CNTNAP2: variants seen among roughly 807,000 people sequenced by gnomAD.
CNTNAP2 encodes the protein contactin associated protein 2.
In CNTNAP2, 98 loss-of-function variants were observed where a neutral mutation model predicts 155.2. The ratio of observed to expected loss-of-function variants is 0.63; its 90% CI spans 0.54 to 0.75. The LOEUF (loss-of-function observed/expected upper bound fraction) is 0.75, where lower values mean the gene tolerates loss of function less well. Ranked by LOEUF, CNTNAP2 falls within the 30% of genes least tolerant of loss-of-function variation. The probability of loss-of-function intolerance (pLI) is 0.00; values close to 1 mark genes in which losing one functional copy is unlikely to be tolerated. For missense variants in CNTNAP2, 1,727 were observed against 1,688.1 expected (o/e 1.02, Z -0.40); for synonymous variants, 651 against 631.2 (o/e 1.03, Z -0.47).
intron 13 of CNTNAP2, among the ~76,000 whole-genome samples, chr7:147,903,306 C>T (rs1268424712): frequency 6.6e-6 from 1 of 152,094 alleles, no homozygotes; most frequent in Non-Finnish European, 1.5e-5. Flanking sequence ...AGCCTTAGCC[C>T]ACTTTTTGAT....
At chr7:146,794,417 T>A (rs924314034) in intron 2 of CNTNAP2, among the ~76,000 whole-genome samples, 8 of 152,186 alleles carry the variant, frequency 5.3e-5, no homozygotes, top group Admixed American at 3.9e-4. Flanking sequence ...GAGAATGCAT[T>A]CTTTAACAAG....
chr7:147,332,181 G>A (rs1162944437), intron 9 of CNTNAP2, among the ~76,000 whole-genome samples: 4 of 152,088 alleles, frequency 2.6e-5, no homozygotes, highest in African/African-American at 7.2e-5. Context: ...CCAAGAACAC[G>A]GGAAATAATA....
chr7:148,309,700 T>G (rs966421039), intron 21 of CNTNAP2, among the ~76,000 whole-genome samples: 1 of 151,982 alleles, frequency 6.6e-6, no homozygotes, highest in Non-Finnish European at 1.5e-5. Context: ...AGTTAAGGCA[T>G]GAACAGGCCA....
chr7:146,358,252 T>C (rs1677549221), intron 1 of CNTNAP2, among the ~76,000 whole-genome samples: 1 of 152,064 alleles, frequency 6.6e-6, no homozygotes, highest in African/African-American at 2.4e-5. Context: ...GCCAGGATGG[T>C]CTCGATCTCC....
intron 13 of CNTNAP2, among the ~76,000 whole-genome samples, chr7:147,880,182 A>G (rs1454866809): frequency 2.6e-5 from 4 of 152,184 alleles, no homozygotes; most frequent in Non-Finnish European, 5.9e-5. Flanking sequence ...CTAGGGCTCC[A>G]TCATCACCAC....
intron 1 of CNTNAP2, among the ~76,000 whole-genome samples, chr7:146,633,253 T>C (rs1799539306): frequency 6.6e-6 from 1 of 152,242 alleles, no homozygotes; most frequent in African/African-American, 2.4e-5. Flanking sequence ...ATAAGAAGTT[T>C]GGGAGTCAGA....
At chr7:147,572,879 A>G (rs1452454109) in intron 12 of CNTNAP2, among the ~76,000 whole-genome samples, 1 of 152,034 alleles carries the variant, frequency 6.6e-6, no homozygotes, top group Non-Finnish European at 1.5e-5. Flanking sequence ...TGTTTCTCCA[A>G]ACTTTAGGTT....
At chr7:148,187,189 A>G (rs913957775) in intron 18 of CNTNAP2, among the ~76,000 whole-genome samples, 2 of 152,074 alleles carry the variant, frequency 1.3e-5, no homozygotes, top group African/African-American at 4.8e-5. Context: ...GTTTCTAACA[A>G]TAAGTCTTAG....
intron 1 of CNTNAP2, among the ~76,000 whole-genome samples, chr7:146,198,477 G>C (rs1798809663): frequency 6.6e-6 from 1 of 152,112 alleles, no homozygotes; most frequent in African/African-American, 2.4e-5. Flanking sequence ...CCCAGGATTT[G>C]TGCCTCCCAT....
Position 146,189,799 on chromosome 7 carries a change from A to G in CNTNAP2, c.97+72826A>G, listed in dbSNP as rs151264358. On this transcript the variant is annotated intron_variant, in intron 1 of 23. Transcript: ENST00000361727. The stretch of plus-strand genomic sequence containing the variant: ...ATGTGATTCTTGAACACTTTTGCTC[A>G]TTTAATGTAATCATTTGAAGCCTTA... Among the ~76,000 whole-genome samples, 9 of 152,310 alleles carry G rather than the reference A, an allele frequency of 5.9e-5. No individual in the cohort carries two copies. In the East Asian group the frequency reaches 1.7e-3, roughly 29 times the overall value.
chr7:147,448,482 G>GTATA (rs10635826), intron 10 of CNTNAP2, among the ~76,000 whole-genome samples: 2,527 of 103,236 alleles, frequency 0.024, 27 homozygotes, highest in South Asian at 0.08. Context: ...ATGTGTGTGT[G>GTATA]TGTATATATA....
intron 1 of CNTNAP2, among the ~76,000 whole-genome samples, chr7:146,305,512 C>T (rs1228182014): frequency 6.6e-6 from 1 of 152,106 alleles, no homozygotes; most frequent in Admixed American, 6.5e-5. Context: ...GGACCCTCAG[C>T]TGCAGGTCTG....
chr7:147,181,536 A>C (rs1802455178), intron 8 of CNTNAP2, among the ~76,000 whole-genome samples: 2 of 152,288 alleles, frequency 1.3e-5, no homozygotes, highest in Admixed American at 1.3e-4. Context: ...CCTATCACTG[A>C]TATTTACTAA....
At chr7:146,197,954 G>A (rs1028752000) in intron 1 of CNTNAP2, among the ~76,000 whole-genome samples, 2 of 152,082 alleles carry the variant, frequency 1.3e-5, no homozygotes, top group Non-Finnish European at 2.9e-5. Flanking sequence ...AAGGGGAGGG[G>A]GAGCAAGGCA....
chr7:146,472,974 A>G (rs1467461692), intron 1 of CNTNAP2, among the ~76,000 whole-genome samples: 1 of 150,686 alleles, frequency 6.6e-6, no homozygotes, highest in African/African-American at 2.4e-5. Flanking sequence ...TGTGCTTAAC[A>G]TCATTTGCAG....
At chr7:147,488,486 T>G (rs1055975976) in intron 11 of CNTNAP2, among the ~76,000 whole-genome samples, 16 of 152,352 alleles carry the variant, frequency 1.1e-4, no homozygotes, top group African/African-American at 3.8e-4. Flanking sequence ...GCTTCATTAT[T>G]TCCTGCAGAA....
chr7:147,317,191 G>A (rs1390418918), intron 9 of CNTNAP2, among the ~76,000 whole-genome samples: 1 of 152,118 alleles, frequency 6.6e-6, no homozygotes, highest in Non-Finnish European at 1.5e-5. Context: ...CTCTCTGCAG[G>A]ACTGCTTAAC....
At chr7:148,222,394 G>A (rs909143591) in intron 19 of CNTNAP2, among the ~76,000 whole-genome samples, 2 of 152,154 alleles carry the variant, frequency 1.3e-5, no homozygotes, top group African/African-American at 4.8e-5. Flanking sequence ...GGCATGACAT[G>A]GCGAGGTTAA....
chr7:147,490,170 C>T (rs187202895), intron 11 of CNTNAP2, among the ~76,000 whole-genome samples: 28 of 152,138 alleles, frequency 1.8e-4, no homozygotes, highest in African/African-American at 4.6e-4. Context: ...AATATATAGA[C>T]GTAATGTTTC....
Sources: gnomAD v4.1 joint callset for allele counts (sites outside exome capture counted in the v4.1 genomes callset) on GRCh38, gnomAD v4.1.1 for gene constraint, MANE v1.5 for transcripts, NCBI Gene and HGNC (gene_info 2026-07-23, HGNC 2026-07-21) for gene names.